Variants in CLCN3 observed in about 807,000 individuals in gnomAD.
CLCN3 encodes H(+)/Cl(-) exchange transporter 3.
Under a neutral mutation model 83.4 loss-of-function variants are expected in CLCN3, and 16 were observed. The observed-to-expected ratio is 0.19, with a 90% CI of 0.13 to 0.29. The LOEUF is 0.29. Among genes scored for constraint, CLCN3 ranks in the 10% least tolerant of loss-of-function variants. The pLI is 1.00. For synonymous variants in CLCN3, 322 were observed against 346.2 expected (o/e 0.93, Z 0.78); for missense variants, 544 against 1,006.0 (o/e 0.54, Z 6.21).
In CLCN3 at chr4:169,620,859, A is replaced by G. The variant is rs1773094202; in HGVS notation, c.-221A>G. ...ATGTTGCTCCCGTGTTTGAAGGAGG[A>G]CAATAAAAGTCCCACCGGGCAAAAT... On this transcript the variant is annotated 5_prime_UTR_variant, in exon 1 of 13. Coordinates refer to ENST00000513761, the MANE Select transcript of CLCN3 (RefSeq NM_001829.4). 1 of 398,582 alleles carries G rather than the reference A, an allele frequency of 2.5e-6. No individual in the cohort carries two copies. The highest frequency in any genetic ancestry group is 2.1e-5 in the African/African-American group (1 of 48,738). 24.7% of individuals were successfully genotyped at this position (398,582 alleles called of 1,614,324 possible).
chr4:169,663,218 C>T (rs1272395490), intron 2 of CLCN3: 1 of 150,916 alleles, frequency 6.6e-6, no homozygotes, highest in East Asian at 1.9e-4. Context: ...TATGGCACTC[C>T]TAGGTGCTGT....
intron 2 of CLCN3, among the ~76,000 whole-genome samples, chr4:169,675,311 G>A (rs774030654): frequency 6.6e-6 from 1 of 152,108 alleles, no homozygotes. Context: ...ATGATCTCTT[G>A]ATCTAGTCTA....
intron 2 of CLCN3, among the ~76,000 whole-genome samples, chr4:169,647,889 A>G (rs568413337): frequency 6.6e-6 from 1 of 152,240 alleles, no homozygotes; most frequent in Non-Finnish European, 1.5e-5. Context: ...AATAGTGAAC[A>G]TTAATATCAC....
rs1773093798 is a variant in CLCN3 at position 169,620,846 on chromosome 4, T to C, written c.-234T>C. The C allele has an allele frequency of 2.5e-6, 1 of 398,446 alleles. No homozygotes were observed. The highest frequency in any genetic ancestry group is 4.4e-6 in the Non-Finnish European group (1 of 226,074). 24.7% of individuals were successfully genotyped at this position (398,446 alleles called of 1,614,324 possible). On this transcript the variant is annotated 5_prime_UTR_variant, in exon 1 of 13. Transcript: ENST00000513761. ...AGGATTTAACTTCATGTTGCTCCCG[T>C]GTTTGAAGGAGGACAATAAAAGTCC...
chr4:169,629,653 G>A (rs1773320653), intron 1 of CLCN3, among the ~76,000 whole-genome samples: 1 of 152,158 alleles, frequency 6.6e-6, no homozygotes, highest in African/African-American at 2.4e-5. Flanking sequence ...TTACAGCTGT[G>A]AGCCACTGCG....
chr4:169,620,606 T>G lies in CLCN3; in HGVS notation c.-474T>G. 2.5e-6 allele frequency: 1 copy of G among 396,808 alleles called. No individual in the cohort carries two copies. The highest frequency in any genetic ancestry group is 4.4e-6 in the Non-Finnish European group (1 of 225,566). The allele number at this position is 396,808 out of a possible 1,614,324, so 24.6% of individuals were successfully genotyped here. On this transcript the variant is annotated 5_prime_UTR_variant, in exon 1 of 13. Coordinates refer to ENST00000513761, the MANE Select transcript of CLCN3 (RefSeq NM_001829.4). ...TTCCCCTTCCGTGGGTCAGGGCCGG[T>G]CCGGTCCGGAACCTGCAGCCCCTTT...
At chr4:169,698,587 G>A (rs892519677) in intron 9 of CLCN3, among the ~76,000 whole-genome samples, 4 of 152,102 alleles carry the variant, frequency 2.6e-5, no homozygotes, top group African/African-American at 4.8e-5. Context: ...ACAGAGGCCC[G>A]ACCACATTCA....
intron 2 of CLCN3, among the ~76,000 whole-genome samples, chr4:169,674,630 G>A (rs1213743300): frequency 6.6e-6 from 1 of 151,970 alleles, no homozygotes; most frequent in Non-Finnish European, 1.5e-5. Context: ...GCAGGGATTG[G>A]GCCTTTAAAC....
intron 4 of CLCN3, among the ~76,000 whole-genome samples, chr4:169,688,154 G>A (rs1732232836): frequency 6.6e-6 from 1 of 152,176 alleles, no homozygotes; most frequent in Admixed American, 6.5e-5. Context: ...TGGTACCAGT[G>A]CTGTCATTAT....
At chr4:169,683,140 G>T (rs938164046) in intron 3 of CLCN3, among the ~76,000 whole-genome samples, 1 of 152,120 alleles carries the variant, frequency 6.6e-6, no homozygotes, top group African/African-American at 2.4e-5. Flanking sequence ...ATTTTAAAGT[G>T]TGGTACCTAG....
intron 2 of CLCN3, among the ~76,000 whole-genome samples, chr4:169,676,433 C>G (rs1348060489): frequency 6.6e-6 from 1 of 151,994 alleles, no homozygotes; most frequent in African/African-American, 2.4e-5. Flanking sequence ...TACTTCCACT[C>G]TCAGGTCTAA....
At chr4:169,711,326 T>C (rs1008209793) in intron 11 of CLCN3, among the ~76,000 whole-genome samples, 2 of 152,246 alleles carry the variant, frequency 1.3e-5, no homozygotes, top group Non-Finnish European at 2.9e-5. Context: ...AAATCATTTA[T>C]GTCAATTGCT....
chr4:169,685,637 C>T (rs1030829848), intron 3 of CLCN3, among the ~76,000 whole-genome samples: 2 of 152,026 alleles, frequency 1.3e-5, no homozygotes, highest in South Asian at 2.1e-4. Context: ...ATTTTAGGAA[C>T]GGTGATGATT....
intron 12 of CLCN3, among the ~76,000 whole-genome samples, chr4:169,718,982 AC>A (rs1225360089): frequency 3.9e-5 from 6 of 152,214 alleles, no homozygotes; most frequent in Admixed American, 3.3e-4. Flanking sequence ...AAAAAGGAAA[AC>A]ATTGATAAGT....
chr4:169,691,611 T>C (rs1005016660), intron 6 of CLCN3, among the ~76,000 whole-genome samples: 16 of 152,318 alleles, frequency 1.1e-4, no homozygotes, highest in Middle Eastern at 3.4e-3. Context: ...TAAGTTTGTA[T>C]TAAGAATATC....
At chr4:169,687,214 A>G (rs576984953) in intron 3 of CLCN3, among the ~76,000 whole-genome samples, 2 of 152,348 alleles carry the variant, frequency 1.3e-5, no homozygotes, top group East Asian at 1.9e-4. Flanking sequence ...ATTTGATTCA[A>G]TTTAAAACAA....
chr4:169,649,359 A>G (rs1730668733), intron 2 of CLCN3, among the ~76,000 whole-genome samples: 1 of 152,242 alleles, frequency 6.6e-6, no homozygotes, highest in Admixed American at 6.5e-5. Flanking sequence ...AAGATTTTTG[A>G]ATCAAGGGAA....
At chr4:169,692,021 T>A in intron 6 of CLCN3, 93 bp from the exon 7 acceptor site, 1 of 874,860 alleles carries the variant, frequency 1.1e-6, no homozygotes, top group Non-Finnish European at 1.8e-6. Context: ...TTTGCAAGGT[T>A]GTTTTTGTGC....
At chr4:169,654,030 T>C (rs906707817) in intron 2 of CLCN3, among the ~76,000 whole-genome samples, 2 of 152,054 alleles carry the variant, frequency 1.3e-5, no homozygotes, top group African/African-American at 4.8e-5. Context: ...CCAACATCAA[T>C]TACTAGAAAA....
Sources: gnomAD v4.1 joint callset for allele counts (sites outside exome capture counted in the v4.1 genomes callset) on GRCh38, gnomAD v4.1.1 for gene constraint, MANE v1.5 for transcripts, NCBI Gene and HGNC (gene_info 2026-07-23, HGNC 2026-07-21) for gene names.